Variants in CAST observed in about 807,000 individuals in gnomAD.
The protein encoded by CAST is calpastatin.
Under a neutral mutation model 119.6 loss-of-function variants are expected in CAST, and 76 were observed. The ratio of observed to expected loss-of-function variants is 0.64; its 90% CI spans 0.53 to 0.77. CAST has a LOEUF of 0.77. CAST is among the 30% of genes least tolerant of loss of function. The probability of loss-of-function intolerance (pLI) is 0.00; values close to 1 mark genes in which losing one functional copy is unlikely to be tolerated. For synonymous variants in CAST, 319 were observed against 331.6 expected, an observed-to-expected ratio of 0.96 and a Z score of 0.41; for missense variants, 953 against 946.5, an observed-to-expected ratio of 1.01 and a Z score of -0.09.
At chr5:96,726,980 T>A in intron 5 of CAST, 121 bp downstream of exon 5, 1 of 695,404 alleles carries the variant, frequency 1.4e-6, no homozygotes, top group Non-Finnish European at 2.5e-6. Flanking sequence ...TCATGGACTT[T>A]CTGTAGGCTT....
chr5:96,153,651 A>G, the CAST span, among the ~76,000 whole-genome samples: 2 of 152,200 alleles, frequency 1.3e-5, no homozygotes, highest in African/African-American at 4.8e-5. Flanking sequence ...TAAGGATCCA[A>G]TTAGATTATT....
intron 24 of CAST, 32 bp from the exon 25 acceptor site, chr5:96,762,242 C>T (rs1561605735): frequency 4.9e-6 from 7 of 1,416,450 alleles, no homozygotes; most frequent in Non-Finnish European, 6.9e-6. Context: ...TTATATACAA[C>T]ATGTTACTAA....
intron 28 of CAST, 141 bp from the exon 29 acceptor site, chr5:96,767,766 A>G (rs1299640476): frequency 6.3e-6 from 4 of 634,240 alleles, no homozygotes; most frequent in Non-Finnish European, 8.4e-6. Context: ...CTCCTTTACA[A>G]TACATTATTA....
At chr5:96,022,765 T>C in the CAST span, among the ~76,000 whole-genome samples, 1 of 152,146 alleles carries the variant, frequency 6.6e-6, no homozygotes, top group African/African-American at 2.4e-5. Flanking sequence ...CCAGAATTTG[T>C]AGGGCAGGTA....
At chr5:96,635,582 C>T (rs1747875560) in intron 1 of CAST, among the ~76,000 whole-genome samples, 1 of 152,104 alleles carries the variant, frequency 6.6e-6, no homozygotes, top group Non-Finnish European at 1.5e-5. Context: ...TTTTCAATTC[C>T]ACAGCAACAT....
At chr5:96,125,020 C>T in the CAST span, among the ~76,000 whole-genome samples, 1 of 152,090 alleles carries the variant, frequency 6.6e-6, no homozygotes, top group African/African-American at 2.4e-5. Context: ...TAGCCCGATT[C>T]TTAGAACAAA....
the CAST span, among the ~76,000 whole-genome samples, chr5:96,452,766 A>C: frequency 1.2e-4 from 18 of 145,738 alleles, no homozygotes; most frequent in South Asian, 8.7e-4. Context: ...CTGGCTAACA[A>C]GGTGAAACCC....
At chr5:96,376,332 T>C in the CAST span, among the ~76,000 whole-genome samples, 1 of 152,282 alleles carries the variant, frequency 6.6e-6, no homozygotes, top group African/African-American at 2.4e-5. Flanking sequence ...TATAAAAGTA[T>C]AGCACATATA....
chr5:96,223,226 T>C, the CAST span, among the ~76,000 whole-genome samples: 1 of 152,208 alleles, frequency 6.6e-6, no homozygotes, highest in African/African-American at 2.4e-5. Flanking sequence ...GTGACCATAG[T>C]TAGCAAAAAT....
At chr5:96,272,285 A>G in the CAST span, among the ~76,000 whole-genome samples, 1 of 152,318 alleles carries the variant, frequency 6.6e-6, no homozygotes, top group South Asian at 2.1e-4. Flanking sequence ...AAGGAAATCA[A>G]TATATTGAAG....
chr5:96,500,386 A>G, the CAST span, among the ~76,000 whole-genome samples: 1 of 152,246 alleles, frequency 6.6e-6, no homozygotes, highest in Non-Finnish European at 1.5e-5. Flanking sequence ...GTTCTACTCT[A>G]TAGTGGCTGC....
the CAST span, among the ~76,000 whole-genome samples, chr5:96,198,148 G>A: frequency 1.3e-5 from 2 of 152,082 alleles, no homozygotes; most frequent in Admixed American, 1.3e-4. Context: ...TAGAGAAGGC[G>A]GCCTTTGCAG....
At chr5:96,033,131 T>A in the CAST span, among the ~76,000 whole-genome samples, 2 of 152,100 alleles carry the variant, frequency 1.3e-5, no homozygotes, top group South Asian at 4.1e-4. Context: ...ATGAAAGATC[T>A]CTACACTAAA....
At chr5:96,744,680 G>A (rs577693924) in intron 16 of CAST, among the ~76,000 whole-genome samples, 13 of 152,192 alleles carry the variant, frequency 8.5e-5, no homozygotes, top group East Asian at 7.7e-4. Flanking sequence ...CTTAGTACCC[G>A]ACTTAGTGGG....
the CAST span, among the ~76,000 whole-genome samples, chr5:96,355,812 C>G: frequency 6.2e-4 from 95 of 152,244 alleles, no homozygotes; most frequent in African/African-American, 2.2e-3. Context: ...AGCGATTCTC[C>G]TGACCCAGCC....
intron 1 of CAST, among the ~76,000 whole-genome samples, chr5:96,555,101 A>G (rs1438001716): frequency 6.6e-6 from 1 of 152,262 alleles, no homozygotes; most frequent in Non-Finnish European, 1.5e-5. Flanking sequence ...GCAGATGCAC[A>G]CGTATGTTTA....
the CAST span, among the ~76,000 whole-genome samples, chr5:96,276,970 T>C: frequency 6.6e-6 from 1 of 152,252 alleles, no homozygotes; most frequent in Non-Finnish European, 1.5e-5. Context: ...AGATTGGTCC[T>C]GTCTCTTCAG....
the CAST span, among the ~76,000 whole-genome samples, chr5:96,146,598 AT>A: frequency 1.3e-5 from 2 of 152,300 alleles, no homozygotes; most frequent in African/African-American, 4.8e-5. Flanking sequence ...AAGGAATATT[AT>A]TTTTCCTCTA....
intron 1 of CAST, among the ~76,000 whole-genome samples, chr5:96,534,676 A>G (rs1458325200): frequency 1.5e-5 from 2 of 131,070 alleles, no homozygotes; most frequent in Non-Finnish European, 3.2e-5. Context: ...CAAAGAAAGA[A>G]AGAGAGAGAG....
Sources: allele counts gnomAD v4.1 joint callset (sites outside exome capture counted in the v4.1 genomes callset), GRCh38; gene constraint gnomAD v4.1.1; transcripts MANE v1.5; gene names NCBI Gene and HGNC (gene_info 2026-07-23, HGNC 2026-07-21).